The following SLIT1 variants were observed in gnomAD, a reference collection of about 807,000 sequenced individuals.
SLIT1 encodes the protein slit homolog 1 protein.
A neutral mutation model predicts 186.1 loss-of-function variants in SLIT1; 66 were observed. The ratio of observed to expected loss-of-function variants is 0.35; its 90% CI spans 0.29 to 0.44. The LOEUF (loss-of-function observed/expected upper bound fraction) is 0.44. Ranked by LOEUF, SLIT1 falls within the 20% of genes least tolerant of loss-of-function variation. The pLI is 1.00. For missense variants in SLIT1, 1,638 were observed against 2,037.4 expected (o/e 0.80, Z 3.77); for synonymous variants, 761 against 833.8 (o/e 0.91, Z 1.50).
chr10:97,178,789 AAGTGTGT>A (rs777522902), intron 1 of SLIT1, among the ~76,000 whole-genome samples: 205 of 48,386 alleles, frequency 4.2e-3, no homozygotes, highest in Non-Finnish European at 9.3e-3. Flanking sequence ...GAGAGAGAGA[AAGTGTGT>A]GTGTGTGTGT....
At chr10:97,141,691 C>CGTATT (rs1271741519) in intron 4 of SLIT1, among the ~76,000 whole-genome samples, 2 of 101,330 alleles carry the variant, frequency 2.0e-5, no homozygotes, top group African/African-American at 5.7e-5. Flanking sequence ...TGTATCGTAT[C>CGTATT]GTATCGTATC....
rs1045666337 is a variant in SLIT1, at chr10:97,001,048, T to C, written c.*64A>G. ...GCACCCCAGCCCAGCTGCTGGCGAC[T>C]GTCTCCGCTGCTGCAGCGGCTGGGG... is the stretch of plus-strand genomic sequence containing the variant. On this transcript the variant is annotated 3_prime_UTR_variant, in exon 37 of 37. Transcript: ENST00000266058. The C allele has an allele frequency of 1.5e-6, 2 of 1,350,108 alleles. No individual in the cohort carries two copies. Among genetic ancestry groups the C allele is most frequent in the South Asian group, 1.2e-5 (1 of 81,472 alleles). 83.6% of individuals were successfully genotyped at this position (1,350,108 alleles called of 1,614,324 possible).
At chr10:97,033,838 G>A (rs929284125) in intron 23 of SLIT1, among the ~76,000 whole-genome samples, 1 of 151,346 alleles carries the variant, frequency 6.6e-6, no homozygotes, top group Non-Finnish European at 1.5e-5. Flanking sequence ...ATCAGGAAGG[G>A]ACAAGGTGCT....
chr10:97,024,891 G>A (rs1004465541), intron 25 of SLIT1, among the ~76,000 whole-genome samples: 1 of 152,144 alleles, frequency 6.6e-6, no homozygotes, highest in Non-Finnish European at 1.5e-5. Context: ...GAGGGCCCAC[G>A]GCGTGGCTTA....
intron 8 of SLIT1, 92 bp from the exon 9 acceptor site, chr10:97,060,879 A>C (rs1848888548): frequency 7.4e-7 from 1 of 1,349,738 alleles, no homozygotes; most frequent in East Asian, 2.5e-5. Flanking sequence ...TAGGGTGTAC[A>C]CTGGCAGTTT....
intron 4 of SLIT1, among the ~76,000 whole-genome samples, chr10:97,148,875 C>T (rs537658122): frequency 3.3e-5 from 5 of 152,346 alleles, no homozygotes; most frequent in Non-Finnish European, 7.3e-5. Context: ...GCACGCACGC[C>T]TCTCTATTCA....
At chr10:97,012,748 G>T (rs1436621125) in intron 30 of SLIT1, among the ~76,000 whole-genome samples, 6 of 152,186 alleles carry the variant, frequency 3.9e-5, no homozygotes, top group Admixed American at 3.3e-4. Flanking sequence ...ACAATCCTGG[G>T]CTCTTGCTTC....
chr10:97,036,299 G>C (rs1055027512), intron 22 of SLIT1, among the ~76,000 whole-genome samples: 1 of 152,174 alleles, frequency 6.6e-6, no homozygotes, highest in Non-Finnish European at 1.5e-5. Flanking sequence ...CAGCCCCCAA[G>C]AGGCAGTTTC....
chr10:97,030,306 T>C (rs896216877), intron 25 of SLIT1, among the ~76,000 whole-genome samples: 2 of 152,218 alleles, frequency 1.3e-5, no homozygotes, highest in South Asian at 2.1e-4. Flanking sequence ...TATCCTGCAC[T>C]GTGTGAAGTC....
At position 97,030,798 on chromosome 10, in the gene SLIT1, G is replaced by A; in HGVS notation, c.2541C>T (p.Leu847=). 6.2e-7 allele frequency: 1 copy of A among 1,614,108 alleles called. No individual in the cohort carries two copies. Among genetic ancestry groups the A allele is most frequent in the Non-Finnish European group, 8.5e-7 (1 of 1,180,010 alleles). Residue 847 remains leucine (L), a synonymous_variant, in exon 25 of 37, where the codon CTC becomes CTT. Transcript: ENST00000266058. ...TCACGTCTGCAAAGATGCCCTCTTGGAGGGTGGAGATGTCATTGCCGTGGA... is the reference window on the plus strand; with the variant it reads ...TCACGTCTGCAAAGATGCCCTCTTGAAGGGTGGAGATGTCATTGCCGTGGA... ...LSLHGNDIST[L]QEGIFADVTS... is the part of the protein sequence containing the mutation.
At chr10:97,139,077 A>C (rs1849732488) in intron 4 of SLIT1, among the ~76,000 whole-genome samples, 1 of 152,190 alleles carries the variant, frequency 6.6e-6, no homozygotes, top group South Asian at 2.1e-4. Context: ...GAATGAATGC[A>C]TCCATGCATC....
At chr10:97,116,200 G>T (rs115868386) in intron 4 of SLIT1, among the ~76,000 whole-genome samples, 2 of 152,332 alleles carry the variant, frequency 1.3e-5, no homozygotes, top group African/African-American at 4.8e-5. Flanking sequence ...TCTTCATTAT[G>T]ATGAGGAAGG....
At chr10:97,151,602 T>C (rs1435382459) in intron 4 of SLIT1, among the ~76,000 whole-genome samples, 4 of 150,440 alleles carry the variant, frequency 2.7e-5, no homozygotes, top group African/African-American at 9.7e-5. Flanking sequence ...AGGGGGTGGA[T>C]GGGTGAGGCA....
At chr10:97,071,653 C>A (rs534884436) in intron 4 of SLIT1, among the ~76,000 whole-genome samples, 9 of 152,128 alleles carry the variant, frequency 5.9e-5, no homozygotes, top group Non-Finnish European at 1.2e-4. Context: ...TGACCACATG[C>A]CAGGCTGGGC....
chr10:97,060,826 A>G (rs1249036733), intron 8 of SLIT1, 39 bp from the exon 9 acceptor site: 1 of 1,535,618 alleles, frequency 6.5e-7, no homozygotes, highest in South Asian at 1.3e-5. Context: ...GCTGTCATGC[A>G]TCAGCACCTC....
At chr10:97,080,576 C>T (rs1849093783) in intron 4 of SLIT1, among the ~76,000 whole-genome samples, 1 of 152,194 alleles carries the variant, frequency 6.6e-6, no homozygotes, top group Non-Finnish European at 1.5e-5. Flanking sequence ...CAGCCACTTC[C>T]TGTAGGAAGA....
chr10:97,036,005 G>A (rs775027548), intron 22 of SLIT1, among the ~76,000 whole-genome samples: 3 of 151,956 alleles, frequency 2.0e-5, no homozygotes, highest in Admixed American at 6.6e-5. Context: ...TCACCCACAC[G>A]ACTTTATGCG....
At chr10:97,124,635 T>G (rs1849588616) in intron 4 of SLIT1, among the ~76,000 whole-genome samples, 1 of 152,092 alleles carries the variant, frequency 6.6e-6, no homozygotes, top group Non-Finnish European at 1.5e-5. Flanking sequence ...TTGCAGACAG[T>G]CTTGAAGGTA....
chr10:97,152,379 C>T (rs1464993741), intron 4 of SLIT1, among the ~76,000 whole-genome samples: 4 of 152,228 alleles, frequency 2.6e-5, no homozygotes, highest in African/African-American at 9.7e-5. Context: ...ATATGGGACG[C>T]AGGTCCAGGT....
Sources: allele counts gnomAD v4.1 joint callset (sites outside exome capture counted in the v4.1 genomes callset), GRCh38; gene constraint gnomAD v4.1.1; transcripts MANE v1.5; gene names NCBI Gene and HGNC (gene_info 2026-07-23, HGNC 2026-07-21).